IMMP2L: variants seen among roughly 807,000 people sequenced by gnomAD.
The protein encoded by IMMP2L is mitochondrial inner membrane protease subunit 2.
IMMP2L carries 18 observed loss-of-function variants against 19.3 expected under a neutral mutation model. The ratio of observed to expected loss-of-function variants is 0.93; its 90% CI spans 0.64 to 1.38. IMMP2L has a LOEUF of 1.38. IMMP2L is among the 40% of genes most tolerant of loss of function. IMMP2L has a pLI of 0.00. For missense variants in IMMP2L, 233 were observed against 218.2 expected (o/e 1.07, Z -0.43); for synonymous variants, 76 against 73.0 (o/e 1.04, Z -0.21).
chr7:110,802,331 ATGTGTGTGTG>A (rs10545848), intron 5 of IMMP2L, among the ~76,000 whole-genome samples: 77,728 of 146,864 alleles, frequency 0.53, 20,491 homozygotes, highest in East Asian at 0.7. Flanking sequence ...GTATGTGTGT[ATGTGTGTGTG>A]TGTGTGTGTG....
At chr7:111,259,423 C>T (rs190771968) in intron 3 of IMMP2L, among the ~76,000 whole-genome samples, 1 of 152,174 alleles carries the variant, frequency 6.6e-6, no homozygotes, top group Admixed American at 6.5e-5. Context: ...TCACTCGAGG[C>T]CAGGAATTTT....
chr7:111,006,621 C>T (rs1458761715), intron 3 of IMMP2L, among the ~76,000 whole-genome samples: 2 of 152,118 alleles, frequency 1.3e-5, no homozygotes, highest in East Asian at 3.9e-4. Context: ...GTCCCAAATT[C>T]CATAGTCCTT....
chr7:110,942,917 T>A (rs7458180), intron 4 of IMMP2L, among the ~76,000 whole-genome samples: 1 of 151,964 alleles, frequency 6.6e-6, no homozygotes, highest in Non-Finnish European at 1.5e-5. Context: ...ACTTGCAAAG[T>A]CAGTGTAATA....
intron 3 of IMMP2L, among the ~76,000 whole-genome samples, chr7:111,053,384 C>T (rs1163056209): frequency 6.6e-6 from 1 of 152,128 alleles, no homozygotes; most frequent in South Asian, 2.1e-4. Flanking sequence ...GGTGTTCTTT[C>T]CTTACCAGTC....
chr7:110,702,013 T>C (rs1262474645), intron 5 of IMMP2L, among the ~76,000 whole-genome samples: 1 of 152,126 alleles, frequency 6.6e-6, no homozygotes, highest in Non-Finnish European at 1.5e-5. Flanking sequence ...CACTGCAGCC[T>C]CGACCTCCCA....
intron 5 of IMMP2L, among the ~76,000 whole-genome samples, chr7:110,766,942 A>C (rs1482205955): frequency 6.6e-6 from 1 of 152,096 alleles, no homozygotes; most frequent in Middle Eastern, 3.2e-3. Context: ...AGCAATTTTC[A>C]TGCTTAATTG....
intron 3 of IMMP2L, among the ~76,000 whole-genome samples, chr7:111,066,376 G>T (rs1180488938): frequency 6.6e-6 from 1 of 151,676 alleles, no homozygotes; most frequent in Non-Finnish European, 1.5e-5. Context: ...AATGAACAAA[G>T]AATAATTAAA....
intron 3 of IMMP2L, among the ~76,000 whole-genome samples, chr7:110,964,522 A>G (rs1819332794): frequency 2.0e-5 from 3 of 152,006 alleles, no homozygotes; most frequent in Admixed American, 1.3e-4. Flanking sequence ...GTTTTGATAT[A>G]CTTAATACAG....
intron 3 of IMMP2L, among the ~76,000 whole-genome samples, chr7:111,189,994 T>C (rs1415312576): frequency 1.3e-5 from 2 of 152,164 alleles, no homozygotes; most frequent in Non-Finnish European, 2.9e-5. Flanking sequence ...CAGGTTGATA[T>C]GATAATTTCA....
intron 5 of IMMP2L, among the ~76,000 whole-genome samples, chr7:110,735,262 C>A (rs931213551): frequency 6.6e-6 from 1 of 152,114 alleles, no homozygotes; most frequent in African/African-American, 2.4e-5. Flanking sequence ...AGATGCCCAG[C>A]CCCTTATCAG....
At chr7:111,309,136 A>T (rs1461039562) in intron 3 of IMMP2L, among the ~76,000 whole-genome samples, 1 of 152,154 alleles carries the variant, frequency 6.6e-6, no homozygotes, top group Non-Finnish European at 1.5e-5. Context: ...AAGATTTGAG[A>T]GAAGGAAGAA....
intron 3 of IMMP2L, among the ~76,000 whole-genome samples, chr7:111,441,113 C>A (rs1199187043): frequency 6.6e-6 from 1 of 151,864 alleles, no homozygotes; most frequent in Non-Finnish European, 1.5e-5. Flanking sequence ...CTAAAACTTT[C>A]TCCATAACAG....
chr7:111,031,531 T>C (rs1790821210), intron 3 of IMMP2L, among the ~76,000 whole-genome samples: 2 of 151,938 alleles, frequency 1.3e-5, no homozygotes, highest in Admixed American at 1.3e-4. Context: ...CATATCGGAT[T>C]ATAACAAAAA....
intron 3 of IMMP2L, among the ~76,000 whole-genome samples, chr7:111,313,847 C>T (rs544281072): frequency 6.6e-5 from 10 of 151,956 alleles, no homozygotes; most frequent in Non-Finnish European, 1.3e-4. Flanking sequence ...AACTGCAATC[C>T]CCAGCACTGG....
intron 5 of IMMP2L, among the ~76,000 whole-genome samples, chr7:110,704,405 C>A (rs1275203213): frequency 2.0e-5 from 3 of 152,214 alleles, no homozygotes; most frequent in Non-Finnish European, 4.4e-5. Context: ...ATGCAACTTT[C>A]CAATGCATGA....
intron 1 of IMMP2L, among the ~76,000 whole-genome samples, chr7:111,560,296 G>T (rs894501892): frequency 6.6e-6 from 1 of 151,984 alleles, no homozygotes; most frequent in African/African-American, 2.4e-5. Context: ...TTCTAGCTTA[G>T]ATCTTTTAAA....
At chr7:110,764,259 C>T (rs1466482033) in intron 5 of IMMP2L, among the ~76,000 whole-genome samples, 1 of 152,072 alleles carries the variant, frequency 6.6e-6, no homozygotes, top group Non-Finnish European at 1.5e-5. Flanking sequence ...AAAAAAAGTA[C>T]TTACAATCCT....
intron 5 of IMMP2L, among the ~76,000 whole-genome samples, chr7:110,867,354 T>A (rs566198719): frequency 6.6e-6 from 1 of 152,066 alleles, no homozygotes; most frequent in Admixed American, 6.6e-5. Flanking sequence ...CGCAAAGTTC[T>A]CATTTCCAAA....
chr7:111,016,270 A>T (rs2129564692), intron 3 of IMMP2L, among the ~76,000 whole-genome samples: 1 of 150,018 alleles, frequency 6.7e-6, no homozygotes, highest in South Asian at 2.1e-4. Flanking sequence ...AAGATTAGCT[A>T]CATGGATGTT....
Sources: allele counts gnomAD v4.1 joint callset (sites outside exome capture counted in the v4.1 genomes callset), GRCh38; gene constraint gnomAD v4.1.1; transcripts MANE v1.5; gene names NCBI Gene and HGNC (gene_info 2026-07-23, HGNC 2026-07-21).